PTCH1: variants seen among roughly 807,000 people sequenced by gnomAD.
PTCH1 encodes the protein protein patched homolog 1.
A neutral mutation model predicts 144.6 loss-of-function variants in PTCH1; 14 were observed. The ratio of observed to expected loss-of-function variants is 0.10; its 90% CI spans 0.06 to 0.15. The LOEUF is 0.15. PTCH1 is among the 10% of genes least tolerant of loss of function. The pLI, the probability that PTCH1 is intolerant of heterozygous loss-of-function variation, is 1.00. For missense variants in PTCH1, 1,623 were observed against 1,948.3 expected, an observed-to-expected ratio of 0.83 and a Z score of 3.14; for synonymous variants, 833 against 793.6, an observed-to-expected ratio of 1.05 and a Z score of -0.83.
chr9:95,507,049 G>A (rs1225022093), intron 1 of PTCH1: 1 of 987,568 alleles, frequency 1.0e-6, no homozygotes, highest in East Asian at 1.1e-4. Context: ...CGCTAGGGGC[G>A]AGCGCTCTTT....
At chr9:95,516,385 G>C in intron 1 of PTCH1, 4 of 1,110,286 alleles carry the variant, frequency 3.6e-6, no homozygotes, top group Non-Finnish European at 4.5e-6. Flanking sequence ...GGGGCGTCCC[G>C]CGTCCCCGTG....
chr9:95,447,310 AG>A lies in PTCH1; in HGVS notation c.3945del (p.Tyr1316ThrfsTer56), dbSNP rs1838031568. 1.9e-6 allele frequency: 3 copies of A among 1,612,666 alleles called. No homozygotes were observed. The highest frequency in any genetic ancestry group is 2.5e-6 in the Non-Finnish European group (3 of 1,179,796). On this transcript the variant is annotated frameshift_variant, in exon 23 of 24. Transcript: ENST00000331920. LOFTEE classifies it high-confidence loss of function. ...TCAAAAGCGTCTCTGCGCGGTCTGT[AG>A]GGGGGTGGCCACAAGCCTTCTCTGG... ...DPPREGLWPP[P>X]YRPRRDAFEI...
At chr9:95,468,167 A>T (rs1840200160) in intron 14 of PTCH1, among the ~76,000 whole-genome samples, 1 of 152,144 alleles carries the variant, frequency 6.6e-6, no homozygotes, top group Non-Finnish European at 1.5e-5. Flanking sequence ...CCCTGGGCTC[A>T]GTGACCCTCC....
In PTCH1 at chr9:95,461,844, C is replaced by T. The variant is rs1295275193; in HGVS notation, c.2703+12G>A. ...CCCTGGAAGCGCCCTCAGTGCCCAG[C>T]AGCTGGAGTACCTGGCTGATGTCGA... On this transcript the variant is annotated intron_variant, in intron 16 of 23. Coordinates refer to ENST00000331920, the MANE Select transcript of PTCH1 (RefSeq NM_000264.5). 1.2e-5 allele frequency: 19 copies of T among 1,613,974 alleles called. No homozygotes were observed. Among genetic ancestry groups the T allele is most frequent in the Non-Finnish European group, 1.5e-5 (18 of 1,180,024 alleles).
intron 20 of PTCH1, chr9:95,452,314 G>C (rs1035722450): frequency 8.0e-6 from 1 of 125,602 alleles, no homozygotes; most frequent in African/African-American, 3.2e-5. Flanking sequence ...GATAAGAAGC[G>C]TATCTCTCTC....
At chr9:95,467,086 A>C in intron 15 of PTCH1, 30 bp downstream of exon 15, 1 of 1,610,580 alleles carries the variant, frequency 6.2e-7, no homozygotes, top group Middle Eastern at 1.7e-4. Context: ...CAAAAGACCG[A>C]AAGGACGAGA....
intron 2 of PTCH1, chr9:95,495,205 T>C (rs1291629435): frequency 6.6e-6 from 1 of 152,192 alleles, no homozygotes; most frequent in Non-Finnish European, 1.5e-5. Context: ...CGTGAGGAAG[T>C]TTCATCACCG....
upstream of PTCH1, among the ~76,000 whole-genome samples, chr9:95,510,529 A>C (rs1438971516): frequency 6.6e-6 from 1 of 152,160 alleles, no homozygotes; most frequent in Non-Finnish European, 1.5e-5. Context: ...GTTTTCGGAA[A>C]GTGGAATGTG....
At chr9:95,478,312 T>A in intron 8 of PTCH1, 126 bp from the exon 9 acceptor site, 1 of 1,416,396 alleles carries the variant, frequency 7.1e-7, no homozygotes, top group Non-Finnish European at 9.8e-7. Flanking sequence ...AAAAAAGTTC[T>A]ACGTGATTCC....
intron 18 of PTCH1, among the ~76,000 whole-genome samples, chr9:95,457,284 A>C (rs1839026428): frequency 1.3e-5 from 2 of 152,200 alleles, no homozygotes; most frequent in South Asian, 4.1e-4. Context: ...GAATGATGAA[A>C]GATGGACAAC....
At chr9:95,514,138 C>T (rs997417837), upstream of PTCH1, 1 of 152,216 alleles carries the variant, frequency 6.6e-6, no homozygotes, top group Non-Finnish European at 1.5e-5. Flanking sequence ...TCTTGCTAAG[C>T]ATGTCACCAA....
At chr9:95,509,559 T>C (rs1844032790), upstream of PTCH1, among the ~76,000 whole-genome samples, 1 of 152,236 alleles carries the variant, frequency 6.6e-6, no homozygotes, top group Non-Finnish European at 1.5e-5. Flanking sequence ...TTCCTTTTCT[T>C]TTCAACAGTG....
At chr9:95,450,028 G>A (rs554058815) in intron 20 of PTCH1, 88 bp from the exon 21 acceptor site, 23 of 1,209,608 alleles carry the variant, frequency 1.9e-5, no homozygotes, top group Admixed American at 5.6e-5. Flanking sequence ...GCATGGCAAC[G>A]CCAGAAATGA....
intron 12 of PTCH1, among the ~76,000 whole-genome samples, chr9:95,472,000 G>A (rs1476320392): frequency 1.3e-5 from 2 of 152,218 alleles, no homozygotes; most frequent in African/African-American, 2.4e-5. Flanking sequence ...TCGCACCATT[G>A]CACTCCAGCC....
At chr9:95,455,351 G>C (rs1838818390) in intron 19 of PTCH1, among the ~76,000 whole-genome samples, 1 of 152,258 alleles carries the variant, frequency 6.6e-6, no homozygotes, top group Non-Finnish European at 1.5e-5. Context: ...CTGTGCTAGA[G>C]ATTGCAAAAG....
chr9:95,489,046 C>T (rs1198801440), intron 2 of PTCH1, among the ~76,000 whole-genome samples: 1 of 152,226 alleles, frequency 6.6e-6, no homozygotes, highest in Non-Finnish European at 1.5e-5. Context: ...TCGGGTATAA[C>T]TGTGTCATAA....
upstream of PTCH1, chr9:95,514,068 C>T (rs916559944): frequency 6.6e-6 from 1 of 152,144 alleles, no homozygotes; most frequent in African/African-American, 2.4e-5. Context: ...TACTCCAGGT[C>T]TAAATACTAG....
intron 2 of PTCH1, among the ~76,000 whole-genome samples, chr9:95,502,268 G>T (rs1180371263): frequency 1.3e-5 from 2 of 152,170 alleles, no homozygotes; most frequent in Non-Finnish European, 2.9e-5. Flanking sequence ...TGGCACTGCT[G>T]TCCTTCATGT....
chr9:95,462,834 G>A (rs1043902153), intron 15 of PTCH1, among the ~76,000 whole-genome samples: 4 of 152,230 alleles, frequency 2.6e-5, no homozygotes, highest in African/African-American at 7.2e-5. Context: ...ACCACACACA[G>A]CTGCGCTTGG....
Sources: allele counts gnomAD v4.1 joint callset (sites outside exome capture counted in the v4.1 genomes callset), GRCh38; gene constraint gnomAD v4.1.1; transcripts MANE v1.5; gene names NCBI Gene and HGNC (gene_info 2026-07-23, HGNC 2026-07-21).